The following LRRTM4 variants were observed in gnomAD, a reference collection of about 807,000 sequenced individuals.
LRRTM4 encodes leucine rich repeat transmembrane neuronal 4, also known as leucine-rich repeat transmembrane neuronal protein 4.
In LRRTM4, 25 loss-of-function variants were observed where a neutral mutation model predicts 47.6. The observed-to-expected ratio is 0.53, with a 90% CI of 0.38 to 0.73. The LOEUF is 0.73. LRRTM4 is among the 30% of genes least tolerant of loss of function. The pLI is 0.00. For missense variants in LRRTM4, 638 were observed against 713.4 expected, an observed-to-expected ratio of 0.89 and a Z score of 1.20; for synonymous variants, 311 against 269.5, an observed-to-expected ratio of 1.15 and a Z score of -1.51.
chr2:77,515,248 A>T (rs1340042472), intron 3 of LRRTM4, among the ~76,000 whole-genome samples: 2 of 151,900 alleles, frequency 1.3e-5, no homozygotes, highest in African/African-American at 4.8e-5. Flanking sequence ...TTAAAATATT[A>T]TCCCTCATTT....
At chr2:77,230,365 T>A (rs1320999197) in intron 3 of LRRTM4, among the ~76,000 whole-genome samples, 1 of 152,140 alleles carries the variant, frequency 6.6e-6, no homozygotes, top group Non-Finnish European at 1.5e-5. Flanking sequence ...TTAAAAATAC[T>A]ATGTAAACTA....
intron 3 of LRRTM4, among the ~76,000 whole-genome samples, chr2:77,030,393 A>C (rs932474856): frequency 1.3e-5 from 2 of 152,226 alleles, no homozygotes; most frequent in South Asian, 4.1e-4. Flanking sequence ...AGATCATGCC[A>C]CTGCACTCCA....
intron 3 of LRRTM4, among the ~76,000 whole-genome samples, chr2:76,788,517 G>A (rs1674798741): frequency 6.6e-6 from 1 of 152,188 alleles, no homozygotes; most frequent in Non-Finnish European, 1.5e-5. Context: ...TTTAACCTGT[G>A]TAGACTTAGC....
intron 3 of LRRTM4, among the ~76,000 whole-genome samples, chr2:77,166,811 T>C (rs951506261): frequency 6.6e-6 from 1 of 152,088 alleles, no homozygotes; most frequent in Non-Finnish European, 1.5e-5. Context: ...TAATTCAAGA[T>C]GGATTAAAGA....
chr2:76,970,635 G>T (rs1413301928), intron 3 of LRRTM4, among the ~76,000 whole-genome samples: 2 of 151,916 alleles, frequency 1.3e-5, no homozygotes, highest in African/African-American at 4.8e-5. Flanking sequence ...TCTCACAAAA[G>T]GAAAATATCC....
intron 3 of LRRTM4, among the ~76,000 whole-genome samples, chr2:77,409,713 G>A (rs982882907): frequency 6.6e-6 from 1 of 152,052 alleles, no homozygotes; most frequent in East Asian, 1.9e-4. Context: ...CACTTACCAA[G>A]GTGTTTGTTA....
At chr2:77,057,992 G>A (rs745582379) in intron 3 of LRRTM4, among the ~76,000 whole-genome samples, 6 of 152,116 alleles carry the variant, frequency 3.9e-5, no homozygotes, top group East Asian at 3.9e-4. Flanking sequence ...GGATTCTGCC[G>A]GTTTCTGTTC....
intron 3 of LRRTM4, among the ~76,000 whole-genome samples, chr2:77,076,423 C>T (rs201661114): frequency 1.3e-3 from 199 of 151,896 alleles, no homozygotes; most frequent in African/African-American, 4.6e-3. Context: ...AGTTTCAGCC[C>T]GTTACTCCCC....
At chr2:77,289,613 A>C (rs1676763666) in intron 3 of LRRTM4, among the ~76,000 whole-genome samples, 1 of 151,946 alleles carries the variant, frequency 6.6e-6, no homozygotes, top group Non-Finnish European at 1.5e-5. Flanking sequence ...GGTTATTTGG[A>C]GTGCAAGTTA....
At chr2:77,508,888 A>C (rs17014206) in intron 3 of LRRTM4, among the ~76,000 whole-genome samples, 11,201 of 152,148 alleles carry the variant, frequency 0.074, 1,104 homozygotes, top group East Asian at 0.54. Flanking sequence ...TGTATTGTTG[A>C]AAACTCCCAC....
intron 3 of LRRTM4, among the ~76,000 whole-genome samples, chr2:76,988,070 C>A (rs1336718547): frequency 6.6e-6 from 1 of 151,790 alleles, no homozygotes; most frequent in East Asian, 1.9e-4. Flanking sequence ...TCTTTATACT[C>A]TAGCTCTGGG....
chr2:77,201,900 T>C (rs1323777840), intron 3 of LRRTM4, among the ~76,000 whole-genome samples: 1 of 152,132 alleles, frequency 6.6e-6, no homozygotes, highest in Non-Finnish European at 1.5e-5. Context: ...AAGGATGTCA[T>C]CGATGCTATT....
At chr2:76,759,089 A>G (rs1194641741) in intron 3 of LRRTM4, among the ~76,000 whole-genome samples, 1 of 152,056 alleles carries the variant, frequency 6.6e-6, no homozygotes, top group East Asian at 1.9e-4. Context: ...TTGTGGGCCA[A>G]TTTTCTGAGA....
intron 3 of LRRTM4, among the ~76,000 whole-genome samples, chr2:77,288,611 A>G (rs1433348965): frequency 6.6e-6 from 1 of 152,148 alleles, no homozygotes; most frequent in African/African-American, 2.4e-5. Flanking sequence ...CTATAAAGAT[A>G]TAATTCATAA....
chr2:77,076,017 C>G (rs1351403092), intron 3 of LRRTM4, among the ~76,000 whole-genome samples: 1 of 146,446 alleles, frequency 6.8e-6, no homozygotes, highest in Non-Finnish European at 1.5e-5. Flanking sequence ...TTTCCAAAAA[C>G]TATTTCCATT....
chr2:77,351,213 C>T (rs188065852), intron 3 of LRRTM4, among the ~76,000 whole-genome samples: 198 of 151,850 alleles, frequency 1.3e-3, no homozygotes, highest in Middle Eastern at 3.4e-3. Flanking sequence ...AGAATAATAA[C>T]CGCCAACTCC....
intron 3 of LRRTM4, among the ~76,000 whole-genome samples, chr2:77,190,853 A>T (rs937094018): frequency 6.6e-6 from 1 of 152,180 alleles, no homozygotes; most frequent in South Asian, 2.1e-4. Context: ...AATAAGTGTT[A>T]TGTGGAGGAA....
chr2:77,111,719 A>G (rs983705443), intron 3 of LRRTM4, among the ~76,000 whole-genome samples: 1 of 151,992 alleles, frequency 6.6e-6, no homozygotes, highest in Admixed American at 6.6e-5. Context: ...CCCTTATTTA[A>G]CTTACTAATG....
rs79264077 is a variant in LRRTM4 at position 77,409,827 on chromosome 2, A to G, written c.1551+108491T>C. The stretch of plus-strand genomic sequence containing the variant: ...AATCAACCCAGAATAGAAAATAACA[A>G]GTATTTGCAACCTTCTCGTGAAGCT... On this transcript the variant is annotated intron_variant, in intron 3 of 3. Transcript: ENST00000409884. Among the ~76,000 whole-genome samples the G allele has an allele frequency of 9.4e-3, 1,425 of 152,274 alleles. 25 individuals are homozygous for G. Among genetic ancestry groups the G allele is most frequent in the African/African-American group, 0.033 (1,355 of 41,560 alleles).
Sources: gnomAD v4.1 joint callset for allele counts (sites outside exome capture counted in the v4.1 genomes callset) on GRCh38, gnomAD v4.1.1 for gene constraint, MANE v1.5 for transcripts, NCBI Gene and HGNC (gene_info 2026-07-23, HGNC 2026-07-21) for gene names.